SEMA6D: variants seen among roughly 807,000 people sequenced by gnomAD.
SEMA6D encodes semaphorin-6D.
SEMA6D carries 35 observed loss-of-function variants against 106.6 expected under a neutral mutation model. That is an observed-to-expected ratio of 0.33 (90% CI 0.25 to 0.44). The LOEUF is 0.44. Ranked by LOEUF, SEMA6D falls within the 20% of genes least tolerant of loss-of-function variation. SEMA6D has a pLI of 1.00. For missense variants in SEMA6D, 1,185 were observed against 1,345.9 expected, an observed-to-expected ratio of 0.88 and a Z score of 1.87; for synonymous variants, 499 against 487.7, an observed-to-expected ratio of 1.02 and a Z score of -0.31.
chr15:47,626,996 T>C (rs2077214656), intron 4 of SEMA6D, among the ~76,000 whole-genome samples: 1 of 152,124 alleles, frequency 6.6e-6, no homozygotes, highest in Non-Finnish European at 1.5e-5. Flanking sequence ...GAGAGTATCG[T>C]ACCAAAGAAG....
chr15:47,535,934 T>G (rs2045148158), intron 3 of SEMA6D, among the ~76,000 whole-genome samples: 1 of 152,126 alleles, frequency 6.6e-6, no homozygotes, highest in East Asian at 1.9e-4. Flanking sequence ...GCTTGTTAGT[T>G]TGTCTTGGCT....
At position 47,689,668 on chromosome 15, in the gene SEMA6D, T is replaced by C. The variant is rs1390565620; in HGVS notation, c.-54-70077T>C. 2.0e-5 allele frequency among the ~76,000 whole-genome samples: 3 copies of C among 152,206 alleles called. No individual in the cohort carries two copies. In the South Asian group the frequency reaches 6.2e-4, roughly 32 times the overall value. ...TAAAGGCTCTAACAAGGAGAGAGAC[T>C]GGTCTTTAGGAATCCTAATTTTCTC... On this transcript the variant is annotated intron_variant, in intron 4 of 19. Coordinates refer to the SEMA6D transcript ENST00000558014.
chr15:47,399,936 A>G (rs1347997686), intron 1 of SEMA6D, among the ~76,000 whole-genome samples: 2 of 152,160 alleles, frequency 1.3e-5, no homozygotes, highest in Admixed American at 6.5e-5. Context: ...ACACACTGCA[A>G]AGTGTTGTTG....
chr15:47,766,555 T>A, intron 15 of SEMA6D, 61 bp from the exon 16 acceptor site: 1 of 1,521,928 alleles, frequency 6.6e-7, no homozygotes, highest in Non-Finnish European at 9.1e-7. Flanking sequence ...CTGCTCTGGT[T>A]GTCACTTGTG....
rs1239735626 is a variant in SEMA6D, at chr15:47,316,587, T to C, written c.-238-95806T>C. ...TCATTATCAAGTTGAGGAAGTTCTC[T>C]ATTCCAGGTTTATTGAGAGGTTTTT... On this transcript the variant is annotated intron_variant, in intron 1 of 19. Coordinates refer to the SEMA6D transcript ENST00000558014. Among the ~76,000 whole-genome samples, 3 of 146,156 alleles carry C rather than the reference T, an allele frequency of 2.1e-5. No homozygotes were observed. The East Asian group carries it at 5.9e-4, about 29-fold the overall frequency.
At position 47,226,240 on chromosome 15, in the gene SEMA6D, C is replaced by A. The variant is rs956950066; in HGVS notation, c.-239+41822C>A. 3.3e-5 allele frequency among the ~76,000 whole-genome samples: 5 copies of A among 152,172 alleles called. No individual in the cohort carries two copies. In the East Asian group the frequency reaches 9.7e-4, roughly 29 times the overall value. ...GGAAAACACCATGGAGCAGATTTTC[C>A]CTTCACAGACCTGAGAAGGAACTGC... On this transcript the variant is annotated intron_variant, in intron 1 of 19. Transcript: ENST00000558014.
intron 2 of SEMA6D, among the ~76,000 whole-genome samples, chr15:47,462,771 A>G (rs1234931227): frequency 6.6e-6 from 1 of 152,116 alleles, no homozygotes; most frequent in Non-Finnish European, 1.5e-5. Flanking sequence ...TATTAAGGTT[A>G]GGCAAGAGTG....
intron 1 of SEMA6D, among the ~76,000 whole-genome samples, chr15:47,288,214 C>A (rs1195278720): frequency 6.6e-6 from 1 of 152,132 alleles, no homozygotes; most frequent in Non-Finnish European, 1.5e-5. Flanking sequence ...TCTGTCCATT[C>A]CTCTCAATTT....
intron 1 of SEMA6D, among the ~76,000 whole-genome samples, chr15:47,228,770 C>A (rs1033170371): frequency 7.2e-5 from 11 of 151,956 alleles, no homozygotes; most frequent in Non-Finnish European, 1.5e-4. Flanking sequence ...TATAACAAAT[C>A]TTGGCAGTCT....
At chr15:47,304,096 AT>A (rs1327685380) in intron 1 of SEMA6D, among the ~76,000 whole-genome samples, 1 of 152,008 alleles carries the variant, frequency 6.6e-6, no homozygotes, top group African/African-American at 2.4e-5. Flanking sequence ...TTATGCATAC[AT>A]TTTTTCTCCA....
At chr15:47,595,360 A>G (rs1174336785) in intron 3 of SEMA6D, among the ~76,000 whole-genome samples, 1 of 152,194 alleles carries the variant, frequency 6.6e-6, no homozygotes. Flanking sequence ...CATTTTGCTA[A>G]TATGATATTT....
chr15:47,628,071 GC>G (rs1263346003), intron 4 of SEMA6D, among the ~76,000 whole-genome samples: 1 of 151,576 alleles, frequency 6.6e-6, no homozygotes, highest in Non-Finnish European at 1.5e-5. Context: ...CTACCCCTCT[GC>G]TAATCCCACA....
At chr15:47,730,478 A>G in intron 1 of SEMA6D, 3 of 1,309,824 alleles carry the variant, frequency 2.3e-6, no homozygotes, top group Non-Finnish European at 3.3e-6. Flanking sequence ...TGCAATCAGC[A>G]CCAGCTGAGC....
intron 4 of SEMA6D, among the ~76,000 whole-genome samples, chr15:47,623,518 A>G (rs2077146331): frequency 6.6e-6 from 1 of 152,236 alleles, no homozygotes; most frequent in South Asian, 2.1e-4. Context: ...TTAGAAAAAT[A>G]CTAGGATGCA....
intron 2 of SEMA6D, among the ~76,000 whole-genome samples, chr15:47,442,897 A>C (rs1488822257): frequency 2.6e-5 from 4 of 152,124 alleles, no homozygotes; most frequent in African/African-American, 9.6e-5. Context: ...TATGAATTTC[A>C]AATCAACTAG....
chr15:47,611,495 G>A (rs1454962874), intron 4 of SEMA6D, among the ~76,000 whole-genome samples: 2 of 152,124 alleles, frequency 1.3e-5, no homozygotes, highest in Non-Finnish European at 2.9e-5. Context: ...TAACGAACGT[G>A]TGTGTGTGTT....
Position 47,616,431 on chromosome 15 carries a change from A to G in SEMA6D, c.-55+15535A>G, listed in dbSNP as rs539374571. ...GTGGTCCACTTGCCTCAGCCTCCCA[A>G]AGTGCTGGAATTACATGTGTGAGCC... On this transcript the variant is annotated intron_variant, in intron 4 of 19. Transcript: ENST00000558014. 7.2e-5 allele frequency among the ~76,000 whole-genome samples: 11 copies of G among 152,160 alleles called. 1 individual carries two copies. In the South Asian group the frequency reaches 8.3e-4, roughly 12 times the overall value.
At chr15:47,506,587 TACACACACACAAACAC>T (rs1429535348) in intron 3 of SEMA6D, among the ~76,000 whole-genome samples, 17 of 94,378 alleles carry the variant, frequency 1.8e-4, no homozygotes, top group South Asian at 3.3e-4. Context: ...CATGGGCATT[TACACACACACAAACAC>T]ACACACACAC....
At chr15:47,371,990 A>T (rs2039289681) in intron 1 of SEMA6D, among the ~76,000 whole-genome samples, 1 of 152,216 alleles carries the variant, frequency 6.6e-6, no homozygotes, top group Admixed American at 6.5e-5. Flanking sequence ...TTAGTAGTTG[A>T]AGTCAATGTT....
Sources: gnomAD v4.1 joint callset for allele counts (sites outside exome capture counted in the v4.1 genomes callset) on GRCh38, gnomAD v4.1.1 for gene constraint, MANE v1.5 for transcripts, NCBI Gene and HGNC (gene_info 2026-07-23, HGNC 2026-07-21) for gene names.